HECTD4: variants seen among roughly 807,000 people sequenced by gnomAD.
HECTD4 encodes the protein probable E3 ubiquitin-protein ligase HECTD4.
HECTD4 carries 114 observed loss-of-function variants against 471.5 expected under a neutral mutation model. That is an observed-to-expected ratio of 0.24 (90% CI 0.21 to 0.28). The LOEUF is 0.28. Ranked by LOEUF, HECTD4 falls within the 10% of genes least tolerant of loss-of-function variation. The pLI is 1.00. For missense variants in HECTD4, 3,866 were observed against 5,651.5 expected (o/e 0.68, Z 10.13); for synonymous variants, 2,012 against 2,256.0 (o/e 0.89, Z 3.07).
Position 112,269,811 on chromosome 12 carries a change from C to A in HECTD4, c.2214G>T (p.Arg738Ser). ...FKFFFSPQTE[R>S]NRDIIRRSGL... ...CCGACCGTCGAATGATGTCTCGATTCCTTTCAGTTTGTGGGCTGAAGAAAA... is the reference window on the plus strand; with the variant it reads ...CCGACCGTCGAATGATGTCTCGATTACTTTCAGTTTGTGGGCTGAAGAAAA... The change falls in exon 13 of 76, where the codon AGG (arginine) becomes AGT (serine). Residue 738 changes from arginine (R) to serine (S), a missense_variant. Coordinates refer to ENST00000682272, the MANE Select transcript of HECTD4 (RefSeq NM_001388303.1). 1 of 1,613,912 alleles carries A rather than the reference C, an allele frequency of 6.2e-7. No individual in the cohort carries two copies. Among genetic ancestry groups the A allele is most frequent in the Middle Eastern group, 1.6e-4 (1 of 6,062 alleles).
rs758078220 is a variant in HECTD4, at chr12:112,265,249, C to T, written c.2545G>A (p.Glu849Lys). Residue 849 changes from glutamate to lysine, a missense_variant, in exon 16 of 76, where the codon GAA becomes AAA. Coordinates refer to ENST00000682272, the MANE Select transcript of HECTD4 (RefSeq NM_001388303.1). ...LHYILKIVVRESCILITKCQT... is the reference protein window; with the variant it reads ...LHYILKIVVRKSCILITKCQT... ...CACTTGGTGATTAAGATACAGGATTCTCGTACAACAATCTTCAGAATGTAG... is the reference window on the plus strand; with the variant it reads ...CACTTGGTGATTAAGATACAGGATTTTCGTACAACAATCTTCAGAATGTAG... The T allele has an allele frequency of 6.9e-6, 11 of 1,591,996 alleles. No individual in the cohort carries two copies. The highest frequency in any genetic ancestry group is 1.7e-5 in the Admixed American group (1 of 58,438).
At chr12:112,251,916 T>C (rs1274695268) in intron 23 of HECTD4, among the ~76,000 whole-genome samples, 1 of 152,112 alleles carries the variant, frequency 6.6e-6, no homozygotes. Flanking sequence ...GGACTACAGG[T>C]GCCCACCACC....
intron 64 of HECTD4, among the ~76,000 whole-genome samples, chr12:112,177,672 G>A (rs2031503967): frequency 1.3e-5 from 2 of 152,170 alleles, no homozygotes; most frequent in Admixed American, 6.5e-5. Flanking sequence ...GAGCCACCGC[G>A]CCCGGCCTAT....
intron 1 of HECTD4, among the ~76,000 whole-genome samples, chr12:112,357,930 C>G (rs2036374657): frequency 6.6e-6 from 1 of 152,180 alleles, no homozygotes; most frequent in African/African-American, 2.4e-5. Flanking sequence ...TGGCCAGGCC[C>G]AGTGGCTCAT....
At chr12:112,352,893 C>T (rs909882119) in intron 1 of HECTD4, among the ~76,000 whole-genome samples, 2 of 152,190 alleles carry the variant, frequency 1.3e-5, no homozygotes, top group Non-Finnish European at 2.9e-5. Flanking sequence ...AGGCATGAGA[C>T]ACCACAACCA....
intron 1 of HECTD4, among the ~76,000 whole-genome samples, chr12:112,378,849 C>T (rs901401192): frequency 6.6e-6 from 1 of 152,104 alleles, no homozygotes; most frequent in Admixed American, 6.6e-5. Context: ...TGAGACCATC[C>T]TGGCTAACAT....
At chr12:112,205,763 T>C (rs1355795641) in intron 52 of HECTD4, among the ~76,000 whole-genome samples, 1 of 151,972 alleles carries the variant, frequency 6.6e-6, no homozygotes, top group Admixed American at 6.6e-5. Context: ...GCTAATATTT[T>C]TGTATTTTTA....
chr12:112,229,996 A>T (rs550034728), intron 40 of HECTD4, 116 bp from the exon 41 acceptor site: 4 of 949,172 alleles, frequency 4.2e-6, no homozygotes, highest in Middle Eastern at 3.2e-4. Flanking sequence ...AACTCTGGAC[A>T]TGTGAGGGAC....
chr12:112,294,643 C>G (rs1467257659), intron 7 of HECTD4, among the ~76,000 whole-genome samples: 1 of 152,110 alleles, frequency 6.6e-6, no homozygotes, highest in Non-Finnish European at 1.5e-5. Context: ...TTACCCTCAA[C>G]CAACTCCATC....
chr12:112,362,066 T>C (rs2036460614), intron 1 of HECTD4, among the ~76,000 whole-genome samples: 1 of 152,164 alleles, frequency 6.6e-6, no homozygotes, highest in Non-Finnish European at 1.5e-5. Flanking sequence ...TTACAATGTA[T>C]GTAGGAATTG....
intron 1 of HECTD4, chr12:112,321,822 A>C (rs2035589636): frequency 6.6e-6 from 1 of 152,188 alleles, no homozygotes; most frequent in Non-Finnish European, 1.5e-5. Context: ...GAAGCTAAAG[A>C]AAAACAAAGA....
At chr12:112,236,021 G>C (rs1181197786) in intron 35 of HECTD4, among the ~76,000 whole-genome samples, 1 of 152,206 alleles carries the variant, frequency 6.6e-6, no homozygotes, top group Non-Finnish European at 1.5e-5. Flanking sequence ...ATGTTTACTT[G>C]AGATCCTAAA....
intron 1 of HECTD4, among the ~76,000 whole-genome samples, chr12:112,334,778 C>A (rs1231049374): frequency 2.0e-5 from 3 of 148,224 alleles, no homozygotes; most frequent in African/African-American, 5.0e-5. Context: ...CCATTGCAGT[C>A]CAGCCTGGGT....
intron 54 of HECTD4, chr12:112,203,356 G>A (rs761806102): frequency 6.8e-6 from 2 of 292,448 alleles, no homozygotes; most frequent in African/African-American, 4.4e-5. Context: ...GGAACAGTTT[G>A]AACATGTCGG....
intron 44 of HECTD4, among the ~76,000 whole-genome samples, chr12:112,226,224 C>T (rs1412811641): frequency 6.6e-6 from 1 of 151,974 alleles, no homozygotes; most frequent in African/African-American, 2.4e-5. Context: ...CACACACTCA[C>T]ACACACACTC....
intron 1 of HECTD4, among the ~76,000 whole-genome samples, chr12:112,367,620 G>C (rs933550286): frequency 1.3e-5 from 2 of 151,784 alleles, no homozygotes; most frequent in African/African-American, 4.8e-5. Context: ...AGGAGTTCAA[G>C]ACCAGCCTGG....
chr12:112,335,003 A>C (rs973708111), intron 1 of HECTD4, among the ~76,000 whole-genome samples: 2 of 152,160 alleles, frequency 1.3e-5, no homozygotes, highest in African/African-American at 4.8e-5. Context: ...CCACTACTGC[A>C]TATCTACCCA....
rs1838797178 is a variant in HECTD4, at chr12:112,194,482, T to C, written c.8749+403A>G. The stretch of plus-strand genomic sequence containing the variant: ...CATGCCAAGGGCACACAGGCTGGCC[T>C]TTGGAACAGCCTCAGCAGAACTTAT... On this transcript the variant is annotated intron_variant, in intron 56 of 75. Coordinates refer to ENST00000682272, the MANE Select transcript of HECTD4 (RefSeq NM_001388303.1). The surrounding 1 kb of genome is among the most constrained non-coding windows in gnomAD (Gnocchi z 4.6). Among the ~76,000 whole-genome samples, 1 of 152,152 alleles carries C rather than the reference T, an allele frequency of 6.6e-6. No individual in the cohort carries two copies. The highest frequency in any genetic ancestry group is 2.1e-4 in the South Asian group (1 of 4,830).
intron 55 of HECTD4, among the ~76,000 whole-genome samples, chr12:112,196,174 G>A (rs1225771373): frequency 6.6e-6 from 1 of 152,158 alleles, no homozygotes; most frequent in Non-Finnish European, 1.5e-5. Flanking sequence ...AACTCACTCT[G>A]AACCCACGGG....
Sources: allele counts gnomAD v4.1 joint callset (sites outside exome capture counted in the v4.1 genomes callset), GRCh38; gene constraint gnomAD v4.1.1; non-coding constraint Gnocchi (gnomAD v3.1); transcripts MANE v1.5; gene names NCBI Gene and HGNC (gene_info 2026-07-23, HGNC 2026-07-21).